Variants in CPM observed in about 807,000 individuals in gnomAD.
CPM encodes renal carboxypeptidase.
A neutral mutation model predicts 46.4 loss-of-function variants in CPM; 35 were observed. That is an observed-to-expected ratio of 0.75 (90% CI 0.58 to 1.00). The LOEUF is 1.00. CPM is among the 50% of genes least tolerant of loss of function. CPM has a pLI of 0.00. For missense variants in CPM, 422 were observed against 530.4 expected, an observed-to-expected ratio of 0.80 and a Z score of 2.01; for synonymous variants, 195 against 195.3, an observed-to-expected ratio of 1.00 and a Z score of 0.01.
chr12:68,915,692 C>T (rs1172311355), intron 2 of CPM, among the ~76,000 whole-genome samples: 1 of 152,194 alleles, frequency 6.6e-6, no homozygotes, highest in Non-Finnish European at 1.5e-5. Context: ...AAGGGAAAGA[C>T]CTGGGTCTGT....
chr12:68,932,638 G>A, intron 2 of CPM, 40 bp downstream of exon 2: 1 of 1,609,252 alleles, frequency 6.2e-7, no homozygotes, highest in Non-Finnish European at 8.5e-7. Context: ...TGAAAGGGAG[G>A]ACTGAGGGTT....
intron 1 of CPM, among the ~76,000 whole-genome samples, chr12:68,950,724 G>A (rs74099609): frequency 0.016 from 2,401 of 152,234 alleles, 64 homozygotes; most frequent in African/African-American, 0.054. Context: ...CGACCCCCAG[G>A]CCAGGTGTGT....
chr12:68,867,015 T>C lies in CPM; in HGVS notation c.821A>G (p.Gln274Arg), dbSNP rs1172994241. The stretch of plus-strand genomic sequence containing the variant: ...CAGCTCCAACGTAATTTCAAAACAC[T>C]GGGCCCAGATGTAGTTGTAATCTTG... ...GMQDYNYIWA[Q>R]CFEITLELSC... Residue 274 changes from glutamine to arginine, a missense_variant, in exon 7 of 9, where the codon CAG becomes CGG. Physicochemically the swap from Gln to Arg is conservative, Grantham distance 43 (BLOSUM62 1). Transcript: ENST00000551568. 2 of 1,614,170 alleles carry C rather than the reference T, an allele frequency of 1.2e-6. No individual in the cohort carries two copies. The highest frequency in any genetic ancestry group is 3.3e-5 in the Admixed American group (2 of 60,020).
chr12:68,941,579 G>A (rs1015036058), intron 1 of CPM, among the ~76,000 whole-genome samples: 4 of 152,142 alleles, frequency 2.6e-5, no homozygotes, highest in Non-Finnish European at 4.4e-5. Context: ...GTCTCACCAT[G>A]TTGCCCAGGC....
chr12:68,962,774 T>G (rs1194023516), intron 1 of CPM, among the ~76,000 whole-genome samples: 1 of 152,228 alleles, frequency 6.6e-6, no homozygotes. Flanking sequence ...TCTGAAGGCT[T>G]AACCTGCACG....
chr12:68,932,920 C>G, intron 1 of CPM, 80 bp from the exon 2 acceptor site: 2 of 1,354,586 alleles, frequency 1.5e-6, no homozygotes, highest in Non-Finnish European at 2.1e-6. Flanking sequence ...CTCGGTACTC[C>G]GGTCTCAGGG....
chr12:68,921,588 A>G (rs989544595), intron 2 of CPM, among the ~76,000 whole-genome samples: 1 of 152,174 alleles, frequency 6.6e-6, no homozygotes, highest in Non-Finnish European at 1.5e-5. Flanking sequence ...CCAGTGAATA[A>G]TTCAACTGTG....
chr12:68,962,210 A>AAAC (rs1555203344), intron 1 of CPM, among the ~76,000 whole-genome samples: 5 of 146,028 alleles, frequency 3.4e-5, no homozygotes, highest in East Asian at 2.0e-4. Context: ...AAAAAAAAAA[A>AAAC]AAAAAAAACC....
chr12:68,867,393 C>T (rs1264587388), intron 6 of CPM, among the ~76,000 whole-genome samples: 2 of 152,144 alleles, frequency 1.3e-5, no homozygotes, highest in African/African-American at 4.8e-5. Flanking sequence ...TTACATTTTA[C>T]ATGGATATAA....
At chr12:68,945,059 A>G (rs1888824404) in intron 1 of CPM, among the ~76,000 whole-genome samples, 1 of 152,166 alleles carries the variant, frequency 6.6e-6, no homozygotes, top group African/African-American at 2.4e-5. Flanking sequence ...GATGTTATCT[A>G]TAAGAGCAAT....
intron 1 of CPM, among the ~76,000 whole-genome samples, chr12:68,945,846 C>CTTTTTTTTTTTTTTTTTTT (rs1170064808): frequency 4.0e-4 from 35 of 88,460 alleles, no homozygotes; most frequent in South Asian, 4.4e-4. Flanking sequence ...TTCTTTCTTT[C>CTTTTTTTTTTTTTTTTTTT]TTTTTTTTTT....
chr12:68,946,010 A>G (rs951198401), intron 1 of CPM, among the ~76,000 whole-genome samples: 6 of 150,030 alleles, frequency 4.0e-5, no homozygotes, highest in African/African-American at 1.5e-4. Context: ...GCACCACCAC[A>G]CCCAGCTAAT....
At chr12:68,897,515 A>T (rs116937970) in intron 2 of CPM, among the ~76,000 whole-genome samples, 2 of 152,262 alleles carry the variant, frequency 1.3e-5, no homozygotes, top group Non-Finnish European at 2.9e-5. Flanking sequence ...AGGTGGGCAG[A>T]TCACAAGGTC....
At chr12:68,929,285 G>A (rs1457404424) in intron 2 of CPM, among the ~76,000 whole-genome samples, 1 of 152,110 alleles carries the variant, frequency 6.6e-6, no homozygotes, top group East Asian at 1.9e-4. Context: ...TGCTTCCCAT[G>A]CCTTTTGCTC....
intron 3 of CPM, among the ~76,000 whole-genome samples, chr12:68,873,927 T>A (rs1435037029): frequency 6.6e-6 from 1 of 151,878 alleles, no homozygotes; most frequent in Non-Finnish European, 1.5e-5. Flanking sequence ...TGCCTCACCC[T>A]CCCAAGTAGC....
intron 2 of CPM, among the ~76,000 whole-genome samples, chr12:68,930,801 G>T (rs1011985713): frequency 6.6e-6 from 1 of 152,210 alleles, no homozygotes; most frequent in African/African-American, 2.4e-5. Context: ...TATTAGGAAA[G>T]AGAGCCCCCA....
rs532308447 is a variant in CPM, at chr12:68,959,636, C to T, written c.-4+3533G>A. Among the ~76,000 whole-genome samples, 83 of 152,304 alleles carry T rather than the reference C, an allele frequency of 5.4e-4. 1 individual carries two copies. Among genetic ancestry groups the T allele is most frequent in the Non-Finnish European group, 1.0e-3 (69 of 68,032 alleles). On this transcript the variant is annotated intron_variant, in intron 1 of 8. Coordinates refer to the CPM transcript ENST00000546373. ...ACAGATGTGGGTGAAACATCATGGG[C>T]AAGGAGGGGGTTTTCCCACGAGAGG...
chr12:68,871,594 C>A (rs1468795761), intron 4 of CPM, 190 bp downstream of exon 4: 3 of 618,308 alleles, frequency 4.9e-6, no homozygotes, highest in Non-Finnish European at 8.5e-6. Context: ...GCAAAGTAGC[C>A]TTATTTGCAT....
At chr12:68,878,142 A>G (rs543076559) in intron 3 of CPM, among the ~76,000 whole-genome samples, 3 of 152,392 alleles carry the variant, frequency 2.0e-5, no homozygotes, top group South Asian at 2.1e-4. Context: ...TGCAAAAATC[A>G]TAACAGTGAG....
Sources: allele counts gnomAD v4.1 joint callset (sites outside exome capture counted in the v4.1 genomes callset), GRCh38; gene constraint gnomAD v4.1.1; transcripts MANE v1.5; gene names NCBI Gene and HGNC (gene_info 2026-07-23, HGNC 2026-07-21).